The following CNTN5 variants were observed in gnomAD, a reference collection of about 807,000 sequenced individuals.
The protein encoded by CNTN5 is contactin 5, also known as contactin-5.
A neutral mutation model predicts 129.1 loss-of-function variants in CNTN5; 77 were observed. That is an observed-to-expected ratio of 0.60 (90% CI 0.50 to 0.72). The LOEUF is 0.72. Ranked by LOEUF, CNTN5 falls within the 30% of genes least tolerant of loss-of-function variation. CNTN5 has a pLI of 0.00. For synonymous variants in CNTN5, 509 were observed against 465.6 expected (o/e 1.09, Z -1.20); for missense variants, 1,478 against 1,328.8 (o/e 1.11, Z -1.75).
intron 6 of CNTN5, among the ~76,000 whole-genome samples, chr11:99,894,895 T>C (rs1430207109): frequency 2.6e-5 from 4 of 152,306 alleles, no homozygotes; most frequent in East Asian, 1.9e-4. Context: ...GAAGACATAT[T>C]GTCCTTCCTC....
At chr11:100,322,960 A>G (rs562397875) in intron 21 of CNTN5, among the ~76,000 whole-genome samples, 1 of 152,184 alleles carries the variant, frequency 6.6e-6, no homozygotes, top group Non-Finnish European at 1.5e-5. Flanking sequence ...GTATAATGCC[A>G]CTTAGTCAAT....
chr11:99,735,575 CAATT>C (rs767555928), intron 3 of CNTN5, among the ~76,000 whole-genome samples: 12 of 152,266 alleles, frequency 7.9e-5, no homozygotes, highest in Non-Finnish European at 1.2e-4. Flanking sequence ...TGAATAAAAA[CAATT>C]AAATATTATT....
At chr11:100,232,890 G>C (rs926159129) in intron 16 of CNTN5, among the ~76,000 whole-genome samples, 4 of 152,014 alleles carry the variant, frequency 2.6e-5, no homozygotes, top group African/African-American at 9.7e-5. Context: ...TATATGTCGG[G>C]CACTGCACTA....
chr11:99,379,967 AT>A, intron 2 of CNTN5, among the ~76,000 whole-genome samples: 1 of 152,182 alleles, frequency 6.6e-6, no homozygotes, highest in Admixed American at 6.5e-5. Context: ...TGAGGTTCAT[AT>A]ATACACATAT....
intron 1 of CNTN5, among the ~76,000 whole-genome samples, chr11:99,194,527 T>A (rs1419899953): frequency 6.6e-6 from 1 of 152,202 alleles, no homozygotes; most frequent in Non-Finnish European, 1.5e-5. Context: ...AGAACCTAGA[T>A]CTGGAAAGTA....
intron 2 of CNTN5, among the ~76,000 whole-genome samples, chr11:99,327,092 A>G (rs1865816695): frequency 6.6e-6 from 1 of 152,146 alleles, no homozygotes; most frequent in Non-Finnish European, 1.5e-5. Flanking sequence ...ATCTGTGACT[A>G]CTAGAGATAA....
At chr11:99,295,257 T>G (rs1864335323) in intron 1 of CNTN5, among the ~76,000 whole-genome samples, 1 of 152,224 alleles carries the variant, frequency 6.6e-6, no homozygotes, top group African/African-American at 2.4e-5. Context: ...CTAAGTAGTA[T>G]TTTCATTAAT....
At chr11:100,148,385 A>AACTC (rs1334871317) in intron 13 of CNTN5, among the ~76,000 whole-genome samples, 1 of 152,170 alleles carries the variant, frequency 6.6e-6, no homozygotes, top group African/African-American at 2.4e-5. Context: ...TGTATATTTT[A>AACTC]ACTCATGTTT....
At chr11:99,536,179 G>A (rs1465620203) in intron 2 of CNTN5, among the ~76,000 whole-genome samples, 4 of 152,128 alleles carry the variant, frequency 2.6e-5, no homozygotes, top group Non-Finnish European at 5.9e-5. Flanking sequence ...TCTCATACTG[G>A]TGGCACTTAC....
intron 1 of CNTN5, among the ~76,000 whole-genome samples, chr11:99,149,244 A>G (rs1380713980): frequency 6.6e-6 from 1 of 152,156 alleles, no homozygotes; most frequent in East Asian, 1.9e-4. Flanking sequence ...TGTGTCATCA[A>G]CAAGGCCTGA....
chr11:99,389,596 T>A (rs1010001341), intron 2 of CNTN5, among the ~76,000 whole-genome samples: 1 of 152,146 alleles, frequency 6.6e-6, no homozygotes, highest in African/African-American at 2.4e-5. Flanking sequence ...TATAACTCTG[T>A]CCTACCCACA....
At chr11:99,989,203 A>G (rs1938890929) in intron 8 of CNTN5, among the ~76,000 whole-genome samples, 2 of 152,328 alleles carry the variant, frequency 1.3e-5, no homozygotes, top group East Asian at 1.9e-4. Context: ...GTATTCAGAG[A>G]TCTTCAAATA....
chr11:99,750,142 C>A (rs963864748), intron 3 of CNTN5, among the ~76,000 whole-genome samples: 1 of 152,088 alleles, frequency 6.6e-6, no homozygotes, highest in Non-Finnish European at 1.5e-5. Context: ...TGAATAAATA[C>A]CTTCTTTTTA....
intron 3 of CNTN5, among the ~76,000 whole-genome samples, chr11:99,704,212 A>C (rs1954655400): frequency 1.3e-5 from 2 of 150,918 alleles, no homozygotes; most frequent in African/African-American, 4.8e-5. Flanking sequence ...TCAATATTCC[A>C]TCCCAGACTG....
intron 3 of CNTN5, among the ~76,000 whole-genome samples, chr11:99,579,227 C>T (rs1367661068): frequency 1.3e-5 from 2 of 152,082 alleles, no homozygotes; most frequent in Non-Finnish European, 2.9e-5. Context: ...GTTTTGGTTA[C>T]TGTAGCCTTG....
chr11:99,376,392 G>T (rs1489264796), intron 2 of CNTN5, among the ~76,000 whole-genome samples: 1 of 152,136 alleles, frequency 6.6e-6, no homozygotes, highest in East Asian at 1.9e-4. Flanking sequence ...CTAAGACCAG[G>T]TTGAAGGGAC....
chr11:100,048,233 T>C (rs1440480844), intron 9 of CNTN5, among the ~76,000 whole-genome samples: 2 of 152,198 alleles, frequency 1.3e-5, no homozygotes, highest in African/African-American at 2.4e-5. Context: ...CTTGGGCCTT[T>C]AGACTTGAGG....
chr11:99,877,036 A>G (rs1302623577), intron 6 of CNTN5, among the ~76,000 whole-genome samples: 1 of 152,214 alleles, frequency 6.6e-6, no homozygotes, highest in African/African-American at 2.4e-5. Flanking sequence ...AAAGAGCTGT[A>G]GGAGTGATAA....
chr11:99,815,725 C>T (rs1946565799), intron 3 of CNTN5, among the ~76,000 whole-genome samples: 1 of 152,154 alleles, frequency 6.6e-6, no homozygotes, highest in African/African-American at 2.4e-5. Flanking sequence ...CTTCTCCACA[C>T]CTAATCCACT....
Sources: allele counts gnomAD v4.1 joint callset (sites outside exome capture counted in the v4.1 genomes callset), GRCh38; gene constraint gnomAD v4.1.1; transcripts MANE v1.5; gene names NCBI Gene and HGNC (gene_info 2026-07-23, HGNC 2026-07-21).